Variants in PPA2 observed in about 807,000 individuals in gnomAD.
PPA2 encodes the protein inorganic pyrophosphatase 2, mitochondrial.
Under a neutral mutation model 49.5 loss-of-function variants are expected in PPA2, and 48 were observed. The observed-to-expected ratio is 0.97, with a 90% CI of 0.77 to 1.23. The LOEUF is 1.23. PPA2 is among the 50% of genes most tolerant of loss of function. PPA2 has a pLI of 0.00. For missense variants in PPA2, 429 were observed against 410.1 expected, an observed-to-expected ratio of 1.05 and a Z score of -0.40; for synonymous variants, 131 against 139.9, an observed-to-expected ratio of 0.94 and a Z score of 0.45.
intron 10 of PPA2, among the ~76,000 whole-genome samples, chr4:105,384,309 C>T (rs1733602116): frequency 6.6e-6 from 1 of 152,130 alleles, no homozygotes. Context: ...TATTATAAAG[C>T]TCAACCAAGT....
At chr4:105,448,985 G>A (rs1722537499) in intron 4 of PPA2, among the ~76,000 whole-genome samples, 1 of 125,882 alleles carries the variant, frequency 7.9e-6, no homozygotes, top group Admixed American at 7.3e-5. Context: ...TTGGGAGGCC[G>A]AGGCGGGCGG....
intron 3 of PPA2, among the ~76,000 whole-genome samples, chr4:105,450,598 A>ATTTTTTTT (rs1560637285): frequency 1.3e-4 from 8 of 63,304 alleles, no homozygotes; most frequent in Admixed American, 2.3e-4. Context: ...CTGGTCTGGA[A>ATTTTTTTT]TTCTTTTTTT....
chr4:105,433,145 G>A (rs2081503698), intron 6 of PPA2, among the ~76,000 whole-genome samples: 1 of 152,056 alleles, frequency 6.6e-6, no homozygotes, highest in Admixed American at 6.6e-5. Context: ...AAAAAGGCTA[G>A]GAGAAGTTTT....
At chr4:105,419,262 T>TTAGGTTAATTAACCTAA (rs1407554054) in intron 7 of PPA2, among the ~76,000 whole-genome samples, 1 of 152,208 alleles carries the variant, frequency 6.6e-6, no homozygotes, top group Non-Finnish European at 1.5e-5. Context: ...GCCCATTAAC[T>TTAGGTTAATTAACCTAA]CGTCATTTAA....
At chr4:105,380,223 G>A (rs1486880158) in intron 10 of PPA2, among the ~76,000 whole-genome samples, 3 of 152,038 alleles carry the variant, frequency 2.0e-5, no homozygotes, top group Admixed American at 6.6e-5. Context: ...AGTGAGCTTT[G>A]GTAGTTTATA....
At chr4:105,451,628 C>G (rs1722682240) in intron 3 of PPA2, among the ~76,000 whole-genome samples, 1 of 152,188 alleles carries the variant, frequency 6.6e-6, no homozygotes, top group Non-Finnish European at 1.5e-5. Context: ...CCTGGCTATA[C>G]GGGAACAAAT....
chr4:105,397,146 C>T (rs936873836), intron 8 of PPA2, among the ~76,000 whole-genome samples: 9 of 152,112 alleles, frequency 5.9e-5, no homozygotes, highest in Non-Finnish European at 2.9e-5. Flanking sequence ...AGAGTCCTTA[C>T]TGGTTAGTTC....
intron 5 of PPA2, among the ~76,000 whole-genome samples, chr4:105,442,095 C>T (rs1369068569): frequency 6.6e-6 from 1 of 151,826 alleles, no homozygotes; most frequent in Non-Finnish European, 1.5e-5. Flanking sequence ...ACCTTAAACT[C>T]CTGGCCTCAA....
At chr4:105,472,087 G>A (rs1311660501) in intron 1 of PPA2, among the ~76,000 whole-genome samples, 1 of 152,134 alleles carries the variant, frequency 6.6e-6, no homozygotes, top group Non-Finnish European at 1.5e-5. Context: ...TAGAATCTCC[G>A]TTATTCATCC....
At chr4:105,416,505 A>G (rs991256748) in intron 7 of PPA2, among the ~76,000 whole-genome samples, 4 of 152,356 alleles carry the variant, frequency 2.6e-5, no homozygotes, top group Admixed American at 6.5e-5. Context: ...TCCCAGTACT[A>G]TAAATGTTGC....
intron 9 of PPA2, among the ~76,000 whole-genome samples, chr4:105,391,302 A>G (rs2713839): frequency 0.42 from 60,625 of 145,656 alleles, 13,300 homozygotes; most frequent in East Asian, 0.67. Flanking sequence ...CCTATGTAAC[A>G]AACCTGCATG....
rs150745595 is a variant in PPA2, at chr4:105,438,013, T to A, written c.465A>T (p.Lys155Asn). ...LPQTWEDPHEKDKSTNCFGDN... is the reference protein window; with the variant it reads ...LPQTWEDPHENDKSTNCFGDN... Reference sequence around the variant, plus strand: ...CTCCAAAGCAGTTCGTGCTCTTATCTTTTTCATGGGGATCTTCCCAAGTCT... The same window carrying A: ...CTCCAAAGCAGTTCGTGCTCTTATCATTTTCATGGGGATCTTCCCAAGTCT... Residue 155 changes from lysine (K) to asparagine (N), a missense_variant, in exon 6 of 12, where the codon AAA becomes AAT. Coordinates refer to ENST00000341695, the MANE Select transcript of PPA2 (RefSeq NM_176869.3). 2.2e-5 allele frequency: 35 copies of A among 1,606,030 alleles called. No individual in the cohort carries two copies. In the African/African-American group the frequency reaches 4.6e-4, roughly 21 times the overall value.
intron 5 of PPA2, among the ~76,000 whole-genome samples, chr4:105,444,043 T>G (rs1389527240): frequency 2.0e-5 from 3 of 152,246 alleles, no homozygotes; most frequent in Non-Finnish European, 4.4e-5. Context: ...TTTTGTTTAT[T>G]GTCTGTTTAT....
At chr4:105,448,647 AATGATTT>A in intron 4 of PPA2, among the ~76,000 whole-genome samples, 1 of 151,990 alleles carries the variant, frequency 6.6e-6, no homozygotes, top group South Asian at 2.1e-4. Context: ...TTAACCAGGA[AATGATTT>A]ATTTCCTGGT....
intron 1 of PPA2, among the ~76,000 whole-genome samples, chr4:105,472,516 C>T (rs1485326291): frequency 6.6e-6 from 1 of 152,096 alleles, no homozygotes; most frequent in African/African-American, 2.4e-5. Context: ...GCTTAAAAAG[C>T]GAACTGCCAC....
At chr4:105,430,522 G>A (rs997828455) in intron 6 of PPA2, among the ~76,000 whole-genome samples, 6 of 152,306 alleles carry the variant, frequency 3.9e-5, no homozygotes, top group African/African-American at 9.6e-5. Context: ...ATATAAGACC[G>A]AACACATGTG....
intron 7 of PPA2, among the ~76,000 whole-genome samples, chr4:105,421,960 T>C (rs1723271764): frequency 6.6e-6 from 1 of 151,968 alleles, no homozygotes; most frequent in Non-Finnish European, 1.5e-5. Context: ...CAAGAATCAC[T>C]CAAACCTAGG....
Position 105,386,556 on chromosome 4 carries a change from T to C in PPA2, c.939+11A>G, listed in dbSNP as rs1480873145. ...TAAGATTAAAGGATGTCTTGGATGTTTGCCCCTTACCGATTCAACTAATGA... is the reference window on the plus strand; with the variant it reads ...TAAGATTAAAGGATGTCTTGGATGTCTGCCCCTTACCGATTCAACTAATGA... On this transcript the variant is annotated intron_variant, in intron 10 of 11. Transcript: ENST00000341695. The C allele has an allele frequency of 4.4e-6, 7 of 1,604,274 alleles. No individual in the cohort carries two copies. The highest frequency in any genetic ancestry group is 6.0e-6 in the Non-Finnish European group (7 of 1,171,542).
intron 7 of PPA2, among the ~76,000 whole-genome samples, chr4:105,411,078 T>C (rs1049648164): frequency 1.1e-4 from 17 of 152,172 alleles, no homozygotes; most frequent in African/African-American, 3.4e-4. Context: ...TAACCTTAAA[T>C]GTAAATGGGT....
Sources: allele counts gnomAD v4.1 joint callset (sites outside exome capture counted in the v4.1 genomes callset), GRCh38; gene constraint gnomAD v4.1.1; transcripts MANE v1.5; gene names NCBI Gene and HGNC (gene_info 2026-07-23, HGNC 2026-07-21).